AGTPBP1: variants seen among roughly 807,000 people sequenced by gnomAD.
The protein encoded by AGTPBP1 is cytosolic carboxypeptidase 1.
A neutral mutation model predicts 143.9 loss-of-function variants in AGTPBP1; 70 were observed. That is an observed-to-expected ratio of 0.49 (90% CI 0.40 to 0.59). The LOEUF is 0.59. Ranked by LOEUF, AGTPBP1 falls within the 20% of genes least tolerant of loss-of-function variation. The probability of loss-of-function intolerance (pLI) is 0.00; values close to 1 mark genes in which losing one functional copy is unlikely to be tolerated. For missense variants in AGTPBP1, 1,229 were observed against 1,464.5 expected (o/e 0.84, Z 2.62); for synonymous variants, 463 against 500.2 (o/e 0.93, Z 0.99).
At chr9:85,738,801 A>G (rs1316632185) in intron 1 of AGTPBP1, among the ~76,000 whole-genome samples, 1 of 152,042 alleles carries the variant, frequency 6.6e-6, no homozygotes, top group East Asian at 1.9e-4. Flanking sequence ...ATTTAACCCC[A>G]AAGGAGCAAA....
rs1315986190 is a variant in AGTPBP1, at chr9:85,552,031, C to T, written c.3504-4745G>A. 5.3e-5 allele frequency among the ~76,000 whole-genome samples: 8 copies of T among 152,302 alleles called. No individual in the cohort carries two copies. The East Asian group carries it at 1.4e-3, about 26-fold the overall frequency. On this transcript the variant is annotated intron_variant, in intron 25 of 25. Transcript: ENST00000357081. ...CCTGCATCCTTTTCTGACAGCTGCC[C>T]TGTGTACACCTGCCTTAACATCTAT... is the stretch of plus-strand genomic sequence containing the variant.
intron 13 of AGTPBP1, among the ~76,000 whole-genome samples, chr9:85,640,274 T>C (rs1054030180): frequency 1.3e-5 from 2 of 152,200 alleles, no homozygotes; most frequent in Admixed American, 6.5e-5. Flanking sequence ...AAGTATCAAA[T>C]AATGCATTCC....
chr9:85,621,202 T>C lies in AGTPBP1; in HGVS notation c.2099A>G (p.Asn700Ser). The C allele has an allele frequency of 3.5e-6, 5 of 1,446,310 alleles. No individual in the cohort carries two copies. Among genetic ancestry groups the C allele is most frequent in the Non-Finnish European group, 4.5e-6 (5 of 1,099,360 alleles). The allele number at this position is 1,446,310 out of a possible 1,614,324, so 89.6% of individuals were successfully genotyped here. ...AAAGTTCATTAAAATCAAGACTTAC[T>C]TTGGGTTATCCAAGTCATATACCAC... is the stretch of plus-strand genomic sequence containing the variant. ...DRVVYDLDNP[N>S]YTIPEEGDIL... is the part of the protein sequence containing the mutation. The change falls in exon 15 of 26, where the codon AAT becomes AGT. Residue 700 changes from asparagine (N) to serine (S), a missense_variant and splice_region_variant. Transcript: ENST00000357081.
chr9:85,577,329 T>G (rs1385768143), intron 24 of AGTPBP1, among the ~76,000 whole-genome samples: 5 of 152,210 alleles, frequency 3.3e-5, no homozygotes, highest in African/African-American at 1.2e-4. Context: ...TAACAATGTA[T>G]TTCCATAAAT....
chr9:85,782,388 G>T, the AGTPBP1 span, among the ~76,000 whole-genome samples: 1 of 152,094 alleles, frequency 6.6e-6, no homozygotes, highest in African/African-American at 2.4e-5. Flanking sequence ...GGTGGTGCAT[G>T]CCTGTAATCC....
At chr9:85,750,302 G>A in the AGTPBP1 span, among the ~76,000 whole-genome samples, 1 of 152,146 alleles carries the variant, frequency 6.6e-6, no homozygotes, top group African/African-American at 2.4e-5. Context: ...TTATAGCTAT[G>A]AACTAGAACT....
At chr9:85,609,855 G>GATA (rs34079506) in intron 17 of AGTPBP1, among the ~76,000 whole-genome samples, 46,170 of 151,900 alleles carry the variant, frequency 0.3, 10,873 homozygotes, top group African/African-American at 0.64. Flanking sequence ...AGTCTATACT[G>GATA]ATAATACATT....
chr9:85,718,093 G>A (rs1255560071), intron 1 of AGTPBP1, among the ~76,000 whole-genome samples: 1 of 152,172 alleles, frequency 6.6e-6, no homozygotes, highest in Non-Finnish European at 1.5e-5. Flanking sequence ...AGACATATGG[G>A]TTGGTTCCAA....
intron 17 of AGTPBP1, among the ~76,000 whole-genome samples, chr9:85,615,476 CA>C (rs965784736): frequency 7.2e-5 from 11 of 152,076 alleles, no homozygotes; most frequent in Middle Eastern, 3.2e-3. Flanking sequence ...ATTACACAGA[CA>C]TTACTAATGA....
intron 2 of AGTPBP1, among the ~76,000 whole-genome samples, chr9:85,699,613 AC>A: frequency 1.3e-5 from 2 of 150,570 alleles, no homozygotes; most frequent in African/African-American, 2.4e-5. Flanking sequence ...AAAAAAAAAA[AC>A]CATAAAAACA....
rs553412497 is a variant in AGTPBP1 at position 85,655,337 on chromosome 9, G to GA, written c.910-18dup. On this transcript the variant is annotated splice_polypyrimidine_tract_variant and intron_variant, in intron 10 of 25. Coordinates refer to ENST00000357081, the MANE Select transcript of AGTPBP1 (RefSeq NM_001330701.2). ...CAGACATTCCTGTTTTTTAAAAAAAGAAAAAGAAAAAGAATGTTTTTGATG... is the reference window on the plus strand; with the variant it reads ...CAGACATTCCTGTTTTTTAAAAAAAGAAAAAAGAAAAAGAATGTTTTTGATG... The GA allele has an allele frequency of 2.1e-5, 31 of 1,456,660 alleles. No homozygotes were observed. Among genetic ancestry groups the GA allele is most frequent in the Middle Eastern group, 4.0e-4 (2 of 5,050 alleles). The allele number at this position is 1,456,660 out of a possible 1,614,324, so 90.2% of individuals were successfully genotyped here. A position where few individuals can be genotyped will look rare whatever the true frequency, so the allele number is the denominator to read the frequency against.
At chr9:85,792,593 AATG>A in the AGTPBP1 span, among the ~76,000 whole-genome samples, 1 of 152,242 alleles carries the variant, frequency 6.6e-6, no homozygotes, top group African/African-American at 2.4e-5. Context: ...GAGTACATTA[AATG>A]ATATTTTCTA....
At chr9:85,762,696 A>G in the AGTPBP1 span, among the ~76,000 whole-genome samples, 2 of 151,482 alleles carry the variant, frequency 1.3e-5, no homozygotes, top group African/African-American at 4.8e-5. Flanking sequence ...GGTGCAGCAC[A>G]CCAACATGGC....
chr9:85,582,688 AAG>A (rs1828347439), intron 23 of AGTPBP1, among the ~76,000 whole-genome samples: 1 of 152,098 alleles, frequency 6.6e-6, no homozygotes, highest in Admixed American at 6.5e-5. Context: ...TCAAAAAAAA[AAG>A]ACACTCCATT....
At chr9:85,699,657 G>A (rs1836520032) in intron 2 of AGTPBP1, among the ~76,000 whole-genome samples, 1 of 151,212 alleles carries the variant, frequency 6.6e-6, no homozygotes, top group Non-Finnish European at 1.5e-5. Flanking sequence ...AGGATGCATG[G>A]TAGTAAAACA....
chr9:85,632,358 T>A (rs1404775485), intron 14 of AGTPBP1, among the ~76,000 whole-genome samples: 1 of 152,236 alleles, frequency 6.6e-6, no homozygotes, highest in African/African-American at 2.4e-5. Context: ...GAATATTTAT[T>A]CAAAGATTAT....
In AGTPBP1 at chr9:85,672,636, A is replaced by G. The variant is rs541331789; in HGVS notation, c.482T>C (p.Ile161Thr). Reference protein sequence around the residue: ...VKARINGALNITLNLVKQNLQ... With the variant: ...VKARINGALNTTLNLVKQNLQ... ...ATTCTGCTTGACCAAATTCAGGGTT[A>G]TATTCAGAGCCCCATTAATTCTAGC... The change falls in exon 7 of 26, where the codon ATA (isoleucine) becomes ACA (threonine). Residue 161 changes from isoleucine (I) to threonine (T), a missense_variant. Ile to Thr is a moderately conservative substitution (Grantham distance 89). Coordinates refer to ENST00000357081, the MANE Select transcript of AGTPBP1 (RefSeq NM_001330701.2). 2 of 1,612,766 alleles carry G rather than the reference A, an allele frequency of 1.2e-6. No homozygotes were observed. Among genetic ancestry groups the G allele is most frequent in the East Asian group, 4.5e-5 (2 of 44,808 alleles).
rs758781185 is a variant in AGTPBP1 at position 85,646,398 on chromosome 9, T to C, written c.1108A>G (p.Ser370Gly). 3 of 1,612,878 alleles carry C rather than the reference T, an allele frequency of 1.9e-6. No homozygotes were observed. Among genetic ancestry groups the C allele is most frequent in the South Asian group, 1.1e-5 (1 of 91,062 alleles). ...ACATCAATATCATCGTTGTCATCAC[T>C]TTCATCTACTACGTCATCCACTATG... ...PPEVDDVVDE[S>G]DDNDDIDVEA... The change falls in exon 12 of 26, where the codon AGT becomes GGT. Residue 370 changes from serine to glycine, a missense_variant. Transcript: ENST00000357081.
At chr9:85,589,377 G>A (rs1216076162) in intron 20 of AGTPBP1, 151 bp downstream of exon 20, 1 of 947,728 alleles carries the variant, frequency 1.1e-6, no homozygotes, top group Non-Finnish European at 1.5e-6. Flanking sequence ...CCAGAGGTGG[G>A]CTCATGGCTA....
Sources: gnomAD v4.1 joint callset for allele counts (sites outside exome capture counted in the v4.1 genomes callset) on GRCh38, gnomAD v4.1.1 for gene constraint, MANE v1.5 for transcripts, NCBI Gene and HGNC (gene_info 2026-07-23, HGNC 2026-07-21) for gene names.